The following RALGPS1 variants were observed in gnomAD, a reference collection of about 807,000 sequenced individuals.
The protein encoded by RALGPS1 is Ral GEF with PH domain and SH3 binding motif 1, also known as ras-specific guanine nucleotide-releasing factor RalGPS1.
Under a neutral mutation model 78.8 loss-of-function variants are expected in RALGPS1, and 19 were observed. The ratio of observed to expected loss-of-function variants is 0.24; its 90% confidence interval spans 0.17 to 0.35. The LOEUF (loss-of-function observed/expected upper bound fraction) is 0.35. Among genes scored for constraint, RALGPS1 ranks in the 10% least tolerant of loss-of-function variants. The probability of loss-of-function intolerance (pLI) is 1.00; values close to 1 mark genes in which losing one functional copy is unlikely to be tolerated. For missense variants in RALGPS1, 454 were observed against 688.3 expected, an observed-to-expected ratio of 0.66 and a Z score of 3.81; for synonymous variants, 228 against 256.3, an observed-to-expected ratio of 0.89 and a Z score of 1.06.
intron 4 of RALGPS1, among the ~76,000 whole-genome samples, chr9:127,015,166 T>G (rs2044703580): frequency 1.3e-5 from 2 of 152,236 alleles, no homozygotes; most frequent in African/African-American, 4.8e-5. Context: ...TAGAAAATCA[T>G]GGTAACAATG....
At position 127,168,353 on chromosome 9, in the gene RALGPS1, C is replaced by G. The variant is rs531425879; in HGVS notation, c.749-326C>G. ...CCTGGCTCTGGTCTGTTTTGGAGGCCAGGGAGCCATCTTTCCCCAGTCCCT... is the reference window on the plus strand; with the variant it reads ...CCTGGCTCTGGTCTGTTTTGGAGGCGAGGGAGCCATCTTTCCCCAGTCCCT... On this transcript the variant is annotated intron_variant, in intron 9 of 18. Coordinates refer to ENST00000259351, the MANE Select transcript of RALGPS1 (RefSeq NM_014636.3). 6.6e-5 allele frequency among the ~76,000 whole-genome samples: 10 copies of G among 152,290 alleles called. No individual in the cohort carries two copies. The East Asian group carries it at 1.9e-3, about 29-fold the overall frequency.
chr9:126,963,797 G>C (rs1018168012), intron 2 of RALGPS1, among the ~76,000 whole-genome samples: 7 of 152,156 alleles, frequency 4.6e-5, no homozygotes, highest in African/African-American at 1.2e-4. Context: ...CCTGACTCTC[G>C]AGCCGGTGCT....
At chr9:127,118,763 C>T (rs1045578353) in intron 8 of RALGPS1, among the ~76,000 whole-genome samples, 2 of 152,214 alleles carry the variant, frequency 1.3e-5, no homozygotes, top group African/African-American at 4.8e-5. Flanking sequence ...GCCCCTCCCC[C>T]ATCTGCCTGC....
intron 17 of RALGPS1, 75 bp downstream of exon 17, chr9:127,213,124 A>AAAT: frequency 6.3e-7 from 1 of 1,586,590 alleles, no homozygotes; most frequent in African/African-American, 1.4e-5. Flanking sequence ...TGCATTTTGA[A>AAAT]ATTATTAGGA....
At chr9:127,003,466 C>T (rs1008152245) in intron 4 of RALGPS1, among the ~76,000 whole-genome samples, 1 of 152,038 alleles carries the variant, frequency 6.6e-6, no homozygotes, top group Admixed American at 6.6e-5. Flanking sequence ...TTCATCATCA[C>T]TGGCCATCAG....
chr9:127,129,855 C>T (rs936286000), intron 8 of RALGPS1, among the ~76,000 whole-genome samples: 1 of 152,232 alleles, frequency 6.6e-6, no homozygotes, highest in Non-Finnish European at 1.5e-5. Flanking sequence ...AGGCCTGCAA[C>T]CCTGGAGGGC....
rs1244321911 is a variant in RALGPS1 at position 127,034,151 on chromosome 9, G to T, written c.217-280G>T. 2.6e-5 allele frequency among the ~76,000 whole-genome samples: 4 copies of T among 152,350 alleles called. No homozygotes were observed. The East Asian group carries it at 7.7e-4, about 29-fold the overall frequency. The stretch of plus-strand genomic sequence containing the variant: ...TGTAAGAAGGACTTCTGGTCTTAGA[G>T]AAGCTGGCAGAGTGGCAGTGGATTT... On this transcript the variant is annotated intron_variant, in intron 4 of 18. Coordinates refer to ENST00000259351, the MANE Select transcript of RALGPS1 (RefSeq NM_014636.3).
chr9:126,915,736 C>G (rs566145111), intron 1 of RALGPS1, among the ~76,000 whole-genome samples: 2 of 144,108 alleles, frequency 1.4e-5, no homozygotes, highest in South Asian at 4.4e-4. Flanking sequence ...TTTCGCACCT[C>G]AGGGGCTTTC....
intron 5 of RALGPS1, among the ~76,000 whole-genome samples, chr9:127,041,896 T>C (rs1047777523): frequency 2.0e-5 from 3 of 152,178 alleles, no homozygotes; most frequent in Admixed American, 2.0e-4. Context: ...AGGAAGTTTC[T>C]TAACCATGAA....
At chr9:127,115,837 C>G (rs1289409584) in intron 8 of RALGPS1, among the ~76,000 whole-genome samples, 2 of 152,248 alleles carry the variant, frequency 1.3e-5, no homozygotes, top group East Asian at 3.9e-4. Context: ...CAGTGACACC[C>G]TCACCTTGGA....
intron 11 of RALGPS1, among the ~76,000 whole-genome samples, chr9:127,175,243 C>T (rs1331522725): frequency 6.6e-6 from 1 of 152,216 alleles, no homozygotes; most frequent in Non-Finnish European, 1.5e-5. Flanking sequence ...ACACTGTCCC[C>T]TAGTGATTTG....
chr9:126,941,170 G>GGA (rs1246769780), intron 1 of RALGPS1, among the ~76,000 whole-genome samples: 1 of 151,934 alleles, frequency 6.6e-6, no homozygotes, highest in Non-Finnish European at 1.5e-5. Context: ...TAGTTGTGGG[G>GGA]GGGGGTTGTT....
chr9:127,191,502 G>A (rs986946869), intron 11 of RALGPS1, among the ~76,000 whole-genome samples: 4 of 152,006 alleles, frequency 2.6e-5, no homozygotes, highest in African/African-American at 4.8e-5. Context: ...GAAGCATGTC[G>A]GGCTCTCACT....
At chr9:126,941,528 A>G (rs772997041) in intron 1 of RALGPS1, among the ~76,000 whole-genome samples, 1 of 152,158 alleles carries the variant, frequency 6.6e-6, no homozygotes, top group Non-Finnish European at 1.5e-5. Context: ...TCTCTGCTTT[A>G]CTTTTTTCTT....
intron 1 of RALGPS1, among the ~76,000 whole-genome samples, chr9:126,941,287 A>G (rs987714112): frequency 1.3e-5 from 2 of 152,148 alleles, no homozygotes; most frequent in African/African-American, 4.8e-5. Flanking sequence ...ATTTAATTGT[A>G]CATTTAAAAA....
In RALGPS1 at chr9:127,183,911, G is replaced by T. The variant is rs1040282518; in HGVS notation, c.910+9129G>T. Reference sequence around the variant, plus strand: ...GTCACATCAAGGTCAAGCAGAAGAGGCAAGACTCAAACCCACCTCTGGCCA... The same window carrying T: ...GTCACATCAAGGTCAAGCAGAAGAGTCAAGACTCAAACCCACCTCTGGCCA... On this transcript the variant is annotated intron_variant, in intron 11 of 18. Transcript: ENST00000259351. This position sits in a 1 kb window ranked among gnomAD's most constrained non-coding sequence, Gnocchi z 4.0. 1 of 1,550,142 alleles carries T rather than the reference G, an allele frequency of 6.5e-7. No individual in the cohort carries two copies. Among genetic ancestry groups the T allele is most frequent in the Admixed American group, 2.0e-5 (1 of 50,976 alleles).
chr9:126,934,721 G>C (rs1416588259), intron 1 of RALGPS1, among the ~76,000 whole-genome samples: 1 of 152,026 alleles, frequency 6.6e-6, no homozygotes, highest in Non-Finnish European at 1.5e-5. Context: ...TTGCTACCCT[G>C]TCATGCTGTC....
intron 3 of RALGPS1, among the ~76,000 whole-genome samples, chr9:126,971,480 G>T (rs2040115129): frequency 6.6e-6 from 1 of 151,588 alleles, no homozygotes; most frequent in Non-Finnish European, 1.5e-5. Context: ...AGTCTTTTTT[G>T]ACAGAAACAT....
chr9:127,058,060 C>CA (rs1453642818), intron 7 of RALGPS1, among the ~76,000 whole-genome samples: 1 of 152,072 alleles, frequency 6.6e-6, no homozygotes, highest in African/African-American at 2.4e-5. Flanking sequence ...GCCTGAATGA[C>CA]AAAAAAGAAC....
Sources: gnomAD v4.1 joint callset for allele counts (sites outside exome capture counted in the v4.1 genomes callset) on GRCh38, gnomAD v4.1.1 for gene constraint, Gnocchi (gnomAD v3.1) non-coding constraint, MANE v1.5 for transcripts, NCBI Gene and HGNC (gene_info 2026-07-23, HGNC 2026-07-21) for gene names.